The following ROBO2 variants were observed in gnomAD, a reference collection of about 807,000 sequenced individuals.
ROBO2 encodes roundabout homolog 2.
A neutral mutation model predicts 160.8 loss-of-function variants in ROBO2; 53 were observed. The ratio of observed to expected loss-of-function variants is 0.33; its 90% CI spans 0.26 to 0.41. ROBO2 has a LOEUF of 0.41. Among genes scored for constraint, ROBO2 ranks in the 10% least tolerant of loss-of-function variants. The pLI, the probability that ROBO2 is intolerant of heterozygous loss-of-function variation, is 1.00. For missense variants in ROBO2, 1,577 were observed against 1,722.4 expected, an observed-to-expected ratio of 0.92 and a Z score of 1.49; for synonymous variants, 664 against 611.7, an observed-to-expected ratio of 1.09 and a Z score of -1.26.
intron 2 of ROBO2, among the ~76,000 whole-genome samples, chr3:75,994,329 T>C (rs606221): frequency 0.71 from 108,741 of 152,088 alleles, 41,719 homozygotes; most frequent in South Asian, 0.89. Context: ...AAAATTGATA[T>C]GGTTTGGCTG....
chr3:76,060,333 A>G (rs773753982), intron 2 of ROBO2, among the ~76,000 whole-genome samples: 5 of 152,330 alleles, frequency 3.3e-5, no homozygotes, highest in East Asian at 1.9e-4. Context: ...TGGGTATTGT[A>G]TTAATAATCA....
chr3:76,282,466 A>G (rs1708281044), intron 2 of ROBO2, among the ~76,000 whole-genome samples: 1 of 151,992 alleles, frequency 6.6e-6, no homozygotes. Context: ...TAATACTAAA[A>G]TTGTTTATTT....
intron 2 of ROBO2, among the ~76,000 whole-genome samples, chr3:77,403,041 C>G (rs2075949506): frequency 1.3e-5 from 2 of 152,112 alleles, no homozygotes; most frequent in South Asian, 2.1e-4. Flanking sequence ...ATTCCACCAC[C>G]AGGAACAGAA....
chr3:76,719,676 G>A (rs1445572380), intron 2 of ROBO2, among the ~76,000 whole-genome samples: 1 of 152,148 alleles, frequency 6.6e-6, no homozygotes, highest in East Asian at 1.9e-4. Context: ...CTGAGGTCAG[G>A]AGTTTGAGAC....
At chr3:76,996,269 T>C (rs112860766) in intron 2 of ROBO2, among the ~76,000 whole-genome samples, 5,531 of 152,240 alleles carry the variant, frequency 0.036, 320 homozygotes, top group African/African-American at 0.13. Context: ...TGTAGACATG[T>C]GGCATTATTT....
intron 2 of ROBO2, among the ~76,000 whole-genome samples, chr3:76,307,177 A>G (rs1277645425): frequency 1.3e-5 from 2 of 152,074 alleles, no homozygotes; most frequent in Non-Finnish European, 2.9e-5. Context: ...TGCTCATGCT[A>G]TTTCCTCAGC....
chr3:76,373,071 A>G (rs2076180958), intron 2 of ROBO2, among the ~76,000 whole-genome samples: 1 of 152,032 alleles, frequency 6.6e-6, no homozygotes, highest in South Asian at 2.1e-4. Flanking sequence ...TTTTCTTTCT[A>G]AATAATTAAG....
chr3:77,403,573 AGTGTGTGTGTGTGTGTGT>A (rs57545425), intron 2 of ROBO2, among the ~76,000 whole-genome samples: 30 of 129,466 alleles, frequency 2.3e-4, no homozygotes, highest in African/African-American at 6.7e-4. Context: ...TAGTTATTTC[AGTGTGTGTGTGTGTGTGT>A]GTGTGTGTGT....
At chr3:76,323,756 C>G (rs754868939) in intron 2 of ROBO2, among the ~76,000 whole-genome samples, 8 of 152,130 alleles carry the variant, frequency 5.3e-5, no homozygotes, top group Non-Finnish European at 1.2e-4. Context: ...ATTACAAGTT[C>G]AAATTAATTT....
chr3:76,259,491 T>C (rs1706606499), intron 2 of ROBO2, among the ~76,000 whole-genome samples: 1 of 152,122 alleles, frequency 6.6e-6, no homozygotes, highest in Admixed American at 6.6e-5. Context: ...TCTATATAGA[T>C]TCTCATGTGT....
intron 2 of ROBO2, among the ~76,000 whole-genome samples, chr3:75,950,572 T>C (rs1948496602): frequency 1.2e-5 from 1 of 83,018 alleles, no homozygotes; most frequent in Non-Finnish European, 2.7e-5. Context: ...TATTGAAATG[T>C]TTAGAACTGA....
At chr3:76,707,133 C>T (rs1007750466) in intron 2 of ROBO2, among the ~76,000 whole-genome samples, 50 of 151,920 alleles carry the variant, frequency 3.3e-4, no homozygotes, top group African/African-American at 1.2e-3. Context: ...ATTTTAACTC[C>T]ATTCAAGTGT....
chr3:77,497,652 A>G (rs2086976743), intron 5 of ROBO2, among the ~76,000 whole-genome samples: 2 of 152,110 alleles, frequency 1.3e-5, no homozygotes, highest in African/African-American at 4.8e-5. Flanking sequence ...CAAATATCCA[A>G]CATTTTGCTT....
At chr3:76,777,568 A>G (rs1012410149) in intron 2 of ROBO2, among the ~76,000 whole-genome samples, 4 of 150,730 alleles carry the variant, frequency 2.7e-5, no homozygotes, top group African/African-American at 9.7e-5. Context: ...TTTTTTTTTA[A>G]CAAAACGTTT....
chr3:77,603,130 T>A, intron 20 of ROBO2: 1 of 453,784 alleles, frequency 2.2e-6, no homozygotes, highest in East Asian at 7.0e-5. Flanking sequence ...CTAACAACCA[T>A]GAAGATATAC....
chr3:76,412,280 T>C lies in ROBO2; in HGVS notation c.109+474678T>C, dbSNP rs184104062. Among the ~76,000 whole-genome samples, 4 of 152,270 alleles carry C rather than the reference T, an allele frequency of 2.6e-5. No homozygotes were observed. In the East Asian group the frequency reaches 7.7e-4, roughly 29 times the overall value. On this transcript the variant is annotated intron_variant, in intron 2 of 26. Coordinates refer to the ROBO2 transcript ENST00000487694. ...CACAACACGTGGGAATTCTGGGAAA[T>C]ACAATTCAAGTTGAGGTTTCAATGG... is the stretch of plus-strand genomic sequence containing the variant.
At chr3:75,910,943 A>C (rs544213449) in intron 1 of ROBO2, among the ~76,000 whole-genome samples, 257 of 151,922 alleles carry the variant, frequency 1.7e-3, no homozygotes, top group African/African-American at 5.9e-3. Flanking sequence ...ACCTTAAATA[A>C]TATTTAAATA....
chr3:76,655,604 T>A (rs1367163094), intron 2 of ROBO2, among the ~76,000 whole-genome samples: 1 of 147,062 alleles, frequency 6.8e-6, no homozygotes, highest in Admixed American at 6.9e-5. Context: ...TGAGTTAGGG[T>A]ATGGATTCAT....
intron 2 of ROBO2, among the ~76,000 whole-genome samples, chr3:76,519,996 C>A (rs950900973): frequency 1.3e-5 from 2 of 152,120 alleles, no homozygotes; most frequent in Non-Finnish European, 2.9e-5. Flanking sequence ...CACATAGGGA[C>A]CCCTTATTAT....
Sources: allele counts gnomAD v4.1 joint callset (sites outside exome capture counted in the v4.1 genomes callset), GRCh38; gene constraint gnomAD v4.1.1; transcripts MANE v1.5; gene names NCBI Gene and HGNC (gene_info 2026-07-23, HGNC 2026-07-21).